The following RBPJ variants were observed in gnomAD, a reference collection of about 807,000 sequenced individuals.
RBPJ encodes the protein recombination signal binding protein for immunoglobulin kappa J region.
RBPJ carries 9 observed loss-of-function variants against 67.8 expected under a neutral mutation model. The observed-to-expected ratio is 0.13, with a 90% confidence interval of 0.08 to 0.23. The LOEUF is 0.23. Among genes scored for constraint, RBPJ ranks in the 10% least tolerant of loss-of-function variants. RBPJ has a pLI of 1.00. For missense variants in RBPJ, 305 were observed against 595.6 expected (o/e 0.51, Z 5.08); for synonymous variants, 198 against 203.3 (o/e 0.97, Z 0.22).
rs760101738 is a variant in RBPJ at position 26,415,546 on chromosome 4, G to A, written c.227G>A (p.Arg76His). 81 of 1,613,016 alleles carry A rather than the reference G, an allele frequency of 5.0e-5. No individual in the cohort carries two copies. The highest frequency in any genetic ancestry group is 2.7e-4 in the East Asian group (12 of 44,858). ...AAGAAAAAAAAAGAACAAATGGAAC[G>A]CGATGGTTGTTCTGAACAAGAGTCT... ...GWKKKKEQME[R>H]DGCSEQESQP... The change falls in exon 4 of 11, where the codon CGC (arginine) becomes CAC (histidine). Residue 76 changes from arginine to histidine, a missense_variant. By Grantham distance (29) the Arg-to-His change is conservative (BLOSUM62 0). Transcript: ENST00000355476.
chr4:26,353,609 CTTTTT>C (rs5856939), intron 1 of RBPJ, among the ~76,000 whole-genome samples: 2 of 127,710 alleles, frequency 1.6e-5, no homozygotes, highest in Non-Finnish European at 3.4e-5. Flanking sequence ...TCACAGTATT[CTTTTT>C]TTTTTTTTTT....
intron 1 of RBPJ, chr4:26,362,348 CTT>C: frequency 1.8e-6 from 1 of 566,816 alleles, no homozygotes; most frequent in Non-Finnish European, 2.8e-6. Flanking sequence ...GTAGCAGCAG[CTT>C]TTTTGTTTTT....
At chr4:26,352,649 G>A (rs535679487) in intron 1 of RBPJ, among the ~76,000 whole-genome samples, 3 of 152,336 alleles carry the variant, frequency 2.0e-5, no homozygotes, top group South Asian at 2.1e-4. Context: ...GTTGCAGTGA[G>A]CCCAGATCGC....
intron 1 of RBPJ, among the ~76,000 whole-genome samples, chr4:26,234,933 T>TC (rs1719408006): frequency 6.6e-6 from 1 of 152,082 alleles, no homozygotes; most frequent in Non-Finnish European, 1.5e-5. Context: ...CCTCAAGTGA[T>TC]CGCCCACCTC....
At chr4:26,149,469 G>A in the RBPJ span, among the ~76,000 whole-genome samples, 1 of 152,170 alleles carries the variant, frequency 6.6e-6, no homozygotes, top group Non-Finnish European at 1.5e-5. Context: ...GCTATTGTTC[G>A]GATGTATTCC....
At chr4:26,197,811 G>A (rs1303415239) in intron 1 of RBPJ, among the ~76,000 whole-genome samples, 1 of 152,066 alleles carries the variant, frequency 6.6e-6, no homozygotes, top group African/African-American at 2.4e-5. Flanking sequence ...AGAGGAGAGA[G>A]GAGAGGAGGG....
chr4:26,186,974 A>G (rs1717289085), intron 1 of RBPJ, among the ~76,000 whole-genome samples: 1 of 152,096 alleles, frequency 6.6e-6, no homozygotes, highest in Non-Finnish European at 1.5e-5. Flanking sequence ...TAATTTCAGC[A>G]TTTGGGGAGG....
At chr4:26,124,415 CATATATATATATAT>C in the RBPJ span, among the ~76,000 whole-genome samples, 1,545 of 62,386 alleles carry the variant, frequency 0.025, 78 homozygotes, top group African/African-American at 0.067. Context: ...AGTATTCCAT[CATATATATATATAT>C]ATATATATAT....
chr4:26,367,037 T>C (rs940470372), intron 1 of RBPJ, among the ~76,000 whole-genome samples: 5 of 151,690 alleles, frequency 3.3e-5, no homozygotes, highest in Admixed American at 3.3e-4. Flanking sequence ...GGCAGGAGAA[T>C]CTCTTGAACC....
intron 1 of RBPJ, among the ~76,000 whole-genome samples, chr4:26,170,206 C>T (rs546952847): frequency 1.4e-4 from 22 of 152,216 alleles, no homozygotes; most frequent in Admixed American, 7.2e-4. Context: ...TGTTCCTATT[C>T]GGCCATCTTG....
chr4:26,116,620 T>C, the RBPJ span, among the ~76,000 whole-genome samples: 2 of 152,210 alleles, frequency 1.3e-5, no homozygotes, highest in Admixed American at 6.5e-5. Flanking sequence ...GGAAGAACTA[T>C]AGCAAAAGCT....
At chr4:26,186,655 A>AG (rs1332937042) in intron 1 of RBPJ, among the ~76,000 whole-genome samples, 1 of 152,186 alleles carries the variant, frequency 6.6e-6, no homozygotes, top group Non-Finnish European at 1.5e-5. Context: ...AGACCTGCTG[A>AG]GGTCCACTCT....
At chr4:26,334,428 T>C (rs551323321) in intron 1 of RBPJ, among the ~76,000 whole-genome samples, 1 of 152,292 alleles carries the variant, frequency 6.6e-6, no homozygotes, top group African/African-American at 2.4e-5. Flanking sequence ...AAATTCTGTA[T>C]ACATCCTGTG....
Position 26,211,228 on chromosome 4 carries a change from A to G in RBPJ, c.-167+47614A>G, listed in dbSNP as rs1395222559. On this transcript the variant is annotated intron_variant, in intron 1 of 4. Coordinates refer to the RBPJ transcript ENST00000512351. Reference sequence around the variant, plus strand: ...TATGTGTAGTAGCACTTTTCTGTACATATGCCTAGTAGCACTTTTCTGGGG... The same window carrying G: ...TATGTGTAGTAGCACTTTTCTGTACGTATGCCTAGTAGCACTTTTCTGGGG... Among the ~76,000 whole-genome samples, 7 of 152,170 alleles carry G rather than the reference A, an allele frequency of 4.6e-5. No homozygotes were observed. The South Asian group carries it at 8.3e-4, about 18-fold the overall frequency.
At chr4:26,194,966 C>T (rs751082796) in intron 1 of RBPJ, among the ~76,000 whole-genome samples, 9 of 152,216 alleles carry the variant, frequency 5.9e-5, no homozygotes, top group African/African-American at 9.6e-5. Context: ...AGCTCTCTTT[C>T]TGAACTGATT....
chr4:26,197,898 A>T (rs1717831558), intron 1 of RBPJ, among the ~76,000 whole-genome samples: 4 of 152,218 alleles, frequency 2.6e-5, no homozygotes, highest in Admixed American at 2.6e-4. Context: ...GCCCATTTTC[A>T]GACAGGTTCT....
intron 1 of RBPJ, among the ~76,000 whole-genome samples, chr4:26,210,724 T>C (rs368875586): frequency 0.014 from 1,124 of 80,210 alleles, 69 homozygotes; most frequent in African/African-American, 0.046. Context: ...TCCTTCTTTC[T>C]TTCCTTCTTT....
chr4:26,216,634 G>A (rs1036461914), intron 1 of RBPJ, among the ~76,000 whole-genome samples: 1 of 152,062 alleles, frequency 6.6e-6, no homozygotes, highest in Admixed American at 6.6e-5. Flanking sequence ...GAGGATTGAG[G>A]GCGAGCATAG....
intron 7 of RBPJ, 184 bp from the exon 8 acceptor site, chr4:26,428,536 A>G (rs1735907192): frequency 5.7e-6 from 3 of 525,472 alleles, no homozygotes; most frequent in Non-Finnish European, 6.7e-6. Flanking sequence ...CATGCTTGCA[A>G]TCTAAAAGTG....
Sources: allele counts gnomAD v4.1 joint callset (sites outside exome capture counted in the v4.1 genomes callset), GRCh38; gene constraint gnomAD v4.1.1; transcripts MANE v1.5; gene names NCBI Gene and HGNC (gene_info 2026-07-23, HGNC 2026-07-21).